TTC34: variants seen among roughly 807,000 people sequenced by gnomAD.
TTC34 encodes the protein tetratricopeptide repeat domain 34.
A neutral mutation model predicts 40.7 loss-of-function variants in TTC34; 44 were observed. The ratio of observed to expected loss-of-function variants is 1.08; its 90% CI spans 0.85 to 1.39. TTC34 has a LOEUF of 1.39. Among genes scored for constraint, TTC34 ranks in the 40% most tolerant of loss-of-function variants. TTC34 has a pLI of 0.00. For missense variants in TTC34, 884 were observed against 838.0 expected (o/e 1.05, Z -0.68); for synonymous variants, 422 against 398.6 (o/e 1.06, Z -0.70).
intron 6 of TTC34, among the ~76,000 whole-genome samples, chr1:2,684,809 A>T (rs1187309756): frequency 1.7e-5 from 2 of 119,734 alleles, no homozygotes; most frequent in Non-Finnish European, 3.3e-5. Flanking sequence ...CCAGGTGAGC[A>T]TCTGACATCG....
rs1381458324 is a variant in TTC34, at chr1:2,693,342, A to G, written c.2227-47779T>C. The stretch of plus-strand genomic sequence containing the variant: ...CCTCTGACAGCCTGGAACAGCACGC[A>G]CACCCCCAGGTGAGCATGTGACAGC... On this transcript the variant is annotated intron_variant, in intron 6 of 8. Transcript: ENST00000401095. Among the ~76,000 whole-genome samples, 560 of 65,224 alleles carry G rather than the reference A, an allele frequency of 8.6e-3. 2 individuals are homozygous for G. The highest frequency in any genetic ancestry group is 0.013 in the Non-Finnish European group (370 of 27,462). 42.8% of individuals were successfully genotyped at this position (65,224 alleles called of 152,430 possible). A position where few individuals can be genotyped will look rare whatever the true frequency, so the allele number is the denominator to read the frequency against.
intron 6 of TTC34, among the ~76,000 whole-genome samples, chr1:2,771,458 C>T: frequency 1.2e-5 from 1 of 80,344 alleles, no homozygotes; most frequent in Non-Finnish European, 2.2e-5. Context: ...AGGTGAGCAT[C>T]TGACAGTCTG....
At chr1:2,687,835 C>A (rs1162553783) in intron 6 of TTC34, among the ~76,000 whole-genome samples, 11 of 149,544 alleles carry the variant, frequency 7.4e-5, no homozygotes, top group East Asian at 3.9e-4. Context: ...TGGTCTGGAG[C>A]ATTACCCACA....
chr1:2,784,001 C>T (rs1034988472), intron 5 of TTC34, among the ~76,000 whole-genome samples: 3 of 152,038 alleles, frequency 2.0e-5, no homozygotes, highest in Admixed American at 6.6e-5. Context: ...GGGGGGCTGC[C>T]GTGAGGAGGG....
intron 6 of TTC34, among the ~76,000 whole-genome samples, chr1:2,656,163 C>A (rs150116256): frequency 1.9e-3 from 274 of 146,022 alleles, no homozygotes; most frequent in African/African-American, 6.6e-3. Flanking sequence ...CAGACTGGAA[C>A]AGCACCCACA....
chr1:2,750,153 A>C lies in TTC34; in HGVS notation c.2226+33456T>G, dbSNP rs1450467549. On this transcript the variant is annotated intron_variant, in intron 6 of 8. Transcript: ENST00000401095. ...AGGTGAGCATCCGACAGCGTGGAGC[A>C]GAACAAACACCCCCAGGCGAGCATC... is the stretch of plus-strand genomic sequence containing the variant. Among the ~76,000 whole-genome samples, 8 of 121,602 alleles carry C rather than the reference A, an allele frequency of 6.6e-5. 1 individual carries two copies. The highest frequency in any genetic ancestry group is 2.9e-4 in the African/African-American group (8 of 27,818). The allele number at this position is 121,602 out of a possible 152,430, so 79.8% of individuals were successfully genotyped here.
chr1:2,748,040 A>ACC (rs1641208249), intron 6 of TTC34, among the ~76,000 whole-genome samples: 2 of 12,748 alleles, frequency 1.6e-4, no homozygotes, highest in African/African-American at 7.6e-4. Context: ...CACCCTGCAC[A>ACC]CCCAGGTGAG....
At chr1:2,748,514 C>T (rs1641219203) in intron 6 of TTC34, among the ~76,000 whole-genome samples, 28 of 138,178 alleles carry the variant, frequency 2.0e-4, no homozygotes, top group African/African-American at 5.0e-4. Context: ...TGGAGCAGCA[C>T]CCACACCCTC....
intron 6 of TTC34, among the ~76,000 whole-genome samples, chr1:2,660,702 T>C (rs768273158): frequency 0.014 from 18 of 1,312 alleles, no homozygotes; most frequent in African/African-American, 0.017. Context: ...CCTGGAGCAG[T>C]GCCCACACCC....
chr1:2,641,203 G>A (rs1309348697), exon 9 of TTC34: 1 of 665,944 alleles, frequency 1.5e-6, no homozygotes, highest in African/African-American at 2.0e-5. Flanking sequence ...GGGGGTTGTG[G>A]GGAGGGTTGG....
Position 2,776,323 on chromosome 1 carries a change from T to G in TTC34, c.2226+7286A>C, listed in dbSNP as rs1216692064. ...TTCCAACAGCATGGAACAAGACCAC[T>G]GCCCCCAGGTGAGCATCTGGCAGCC... On this transcript the variant is annotated intron_variant, in intron 6 of 8. Transcript: ENST00000401095. 1.6e-5 allele frequency: 2 copies of G among 126,108 alleles called. 1 individual carries two copies. Among genetic ancestry groups the G allele is most frequent in the African/African-American group, 7.6e-5 (2 of 26,444 alleles). 7.8% of individuals were successfully genotyped at this position (126,108 alleles called of 1,614,324 possible). A position where few individuals can be genotyped will look rare whatever the true frequency, so the allele number is the denominator to read the frequency against.
chr1:2,798,776 T>C (rs935964429), intron 2 of TTC34, among the ~76,000 whole-genome samples: 37 of 36,528 alleles, frequency 1.0e-3, no homozygotes, highest in Admixed American at 1.5e-3. Context: ...CCTCCAAGCC[T>C]CCCAGCCCCC....
intron 6 of TTC34, among the ~76,000 whole-genome samples, chr1:2,751,365 A>G (rs1641312961): frequency 6.8e-6 from 1 of 147,538 alleles, no homozygotes; most frequent in Non-Finnish European, 1.5e-5. Context: ...CGGCACCCAC[A>G]CCCCCAGGTG....
intron 6 of TTC34, among the ~76,000 whole-genome samples, chr1:2,697,245 C>A (rs1161854469): frequency 9.0e-6 from 1 of 110,892 alleles, no homozygotes. Flanking sequence ...ACCCTGCACC[C>A]CCAGGTGAGC....
intron 6 of TTC34, among the ~76,000 whole-genome samples, chr1:2,751,465 C>T (rs1487262286): frequency 1.4e-5 from 1 of 72,852 alleles, no homozygotes; most frequent in East Asian, 5.3e-4. Context: ...GAGCATCTGA[C>T]AGACTGGAAC....
intron 2 of TTC34, among the ~76,000 whole-genome samples, chr1:2,791,979 A>G (rs1643667817): frequency 7.8e-6 from 1 of 128,512 alleles, no homozygotes; most frequent in African/African-American, 2.9e-5. Context: ...CAATTATTGC[A>G]CTGTTCAACT....
At chr1:2,752,694 C>T (rs1641363607) in intron 6 of TTC34, among the ~76,000 whole-genome samples, 1 of 143,320 alleles carries the variant, frequency 7.0e-6, no homozygotes, top group African/African-American at 2.7e-5. Context: ...CACCCATACG[C>T]CCAGATGAGC....
chr1:2,676,921 C>A (rs1392474241), intron 6 of TTC34, among the ~76,000 whole-genome samples: 2 of 141,462 alleles, frequency 1.4e-5, no homozygotes, highest in Non-Finnish European at 3.1e-5. Flanking sequence ...TGGAGCAGCA[C>A]CCACACCCCC....
At chr1:2,801,239 C>G (rs1025066871) in intron 1 of TTC34, among the ~76,000 whole-genome samples, 27 of 152,104 alleles carry the variant, frequency 1.8e-4, no homozygotes, top group Admixed American at 1.6e-3. Context: ...CTCTGCCCCT[C>G]CCAACCCTGA....
Sources: gnomAD v4.1 joint callset for allele counts (sites outside exome capture counted in the v4.1 genomes callset) on GRCh38, gnomAD v4.1.1 for gene constraint, MANE v1.5 for transcripts, NCBI Gene and HGNC (gene_info 2026-07-23, HGNC 2026-07-21) for gene names.